MET: variants seen among roughly 807,000 people sequenced by gnomAD.
MET encodes MET proto-oncogene, receptor tyrosine kinase.
In MET, 48 loss-of-function variants were observed where a neutral mutation model predicts 133.1. That is an observed-to-expected ratio of 0.36 (90% CI 0.29 to 0.46). The LOEUF is 0.46. MET is among the 20% of genes least tolerant of loss of function. MET has a pLI of 1.00. For synonymous variants in MET, 628 were observed against 616.5 expected (o/e 1.02, Z -0.28); for missense variants, 1,442 against 1,695.9 (o/e 0.85, Z 2.63).
intron 5 of MET, among the ~76,000 whole-genome samples, chr7:116,750,038 A>G (rs1562916358): frequency 6.6e-6 from 1 of 152,222 alleles, no homozygotes; most frequent in African/African-American, 2.4e-5. Context: ...TGCTATCCCC[A>G]TAAAGCTACC....
At chr7:116,698,977 G>C in intron 1 of MET, 94 bp from the exon 2 acceptor site, 2 of 1,563,910 alleles carry the variant, frequency 1.3e-6, no homozygotes, top group Non-Finnish European at 1.7e-6. Flanking sequence ...CAGTTGGGAA[G>C]CTTTATTTCT....
chr7:116,729,347 C>A (rs534424133), intron 2 of MET, among the ~76,000 whole-genome samples: 145 of 152,146 alleles, frequency 9.5e-4, no homozygotes, highest in Middle Eastern at 3.4e-3. Context: ...ATGAAGAAAT[C>A]GTTGTTGATA....
At chr7:116,746,012 A>T (rs112620858) in intron 5 of MET, among the ~76,000 whole-genome samples, 2 of 152,190 alleles carry the variant, frequency 1.3e-5, no homozygotes, top group Non-Finnish European at 2.9e-5. Flanking sequence ...AATGGGAGAA[A>T]ATTTTTGCAA....
chr7:116,686,243 C>T (rs868681924), intron 1 of MET, among the ~76,000 whole-genome samples: 6 of 152,196 alleles, frequency 3.9e-5, no homozygotes, highest in African/African-American at 7.2e-5. Context: ...TCTCAGCTCC[C>T]GGTCAACAAA....
chr7:116,746,042 G>C (rs1054893049), intron 5 of MET, among the ~76,000 whole-genome samples: 1 of 152,144 alleles, frequency 6.6e-6, no homozygotes, highest in Middle Eastern at 3.2e-3. Context: ...CTGACAAAGG[G>C]CTAATATCCA....
At position 116,739,246 on chromosome 7, in the gene MET, C is replaced by A. The variant is rs181324784; in HGVS notation, c.1393-704C>A. ...TGGAAATTAGATAGCTGGGAAACATCCCAAATTTTAAAAACCTGAAAGCAA... is the reference window on the plus strand; with the variant it reads ...TGGAAATTAGATAGCTGGGAAACATACCAAATTTTAAAAACCTGAAAGCAA... On this transcript the variant is annotated intron_variant, in intron 3 of 20. Transcript: ENST00000397752. Among the ~76,000 whole-genome samples, 182 of 152,274 alleles carry A rather than the reference C, an allele frequency of 1.2e-3. 2 individuals carry two copies. Among genetic ancestry groups the A allele is most frequent in the Non-Finnish European group, 1.4e-3 (94 of 68,020 alleles).
At chr7:116,684,739 CA>C (rs1261685417) in intron 1 of MET, among the ~76,000 whole-genome samples, 1 of 152,028 alleles carries the variant, frequency 6.6e-6, no homozygotes, top group Non-Finnish European at 1.5e-5. Context: ...GGTGTGATGG[CA>C]AGAGGCAAGA....
intron 19 of MET, among the ~76,000 whole-genome samples, chr7:116,787,829 T>A (rs1349632232): frequency 6.6e-6 from 1 of 152,208 alleles, no homozygotes; most frequent in Non-Finnish European, 1.5e-5. Flanking sequence ...AGCTAGCTAA[T>A]GAGCACATGA....
At chr7:116,689,137 C>T (rs1351132332) in intron 1 of MET, among the ~76,000 whole-genome samples, 3 of 148,850 alleles carry the variant, frequency 2.0e-5, no homozygotes, top group African/African-American at 7.4e-5. Flanking sequence ...CTGCCACATA[C>T]AGTACAACTA....
At chr7:116,775,263 GCCCTGT>G in intron 15 of MET, 152 bp downstream of exon 15, 2 of 781,752 alleles carry the variant, frequency 2.6e-6, no homozygotes, top group Non-Finnish European at 4.3e-6. Context: ...TAGAAATGTA[GCCCTGT>G]AAATCATATC....
rs1584914402 is a variant in MET, at chr7:116,731,857, C to G, written c.1390C>G (p.Gln464Glu). Residue 464 changes from glutamine (Q) to glutamate (E), a missense_variant and splice_region_variant, in exon 3 of 21, where the codon CAG becomes GAG. Physicochemically the swap from Gln to Glu is conservative, Grantham distance 29. This residue lies in a region of MET where 762 missense variants were observed against 792.4 expected (regional missense o/e 0.96). Coordinates refer to ENST00000397752, the MANE Select transcript of MET (RefSeq NM_000245.4). ...NLGTSEGRFM[Q>E]VVVSRSGPST... The stretch of plus-strand genomic sequence containing the variant: ...TGGGACATCAGAGGGTCGCTTCATG[C>G]AGGTAAGTGCTTTCTGAGAGTAGCT... 1.2e-6 allele frequency: 2 copies of G among 1,613,902 alleles called. No individual in the cohort carries two copies. Among genetic ancestry groups the G allele is most frequent in the Non-Finnish European group, 1.7e-6 (2 of 1,179,816 alleles).
At chr7:116,764,345 C>CT (rs1027111564) in intron 11 of MET, among the ~76,000 whole-genome samples, 3 of 151,600 alleles carry the variant, frequency 2.0e-5, no homozygotes, top group Non-Finnish European at 4.4e-5. Flanking sequence ...TCATCTGCTT[C>CT]TTTAATTAGT....
chr7:116,761,098 A>T (rs1794384508), intron 10 of MET, among the ~76,000 whole-genome samples: 1 of 152,178 alleles, frequency 6.6e-6, no homozygotes, highest in African/African-American at 2.4e-5. Context: ...CCTCATTGGC[A>T]TTAAAGTGAC....
chr7:116,767,614 C>G (rs771092101), intron 11 of MET, among the ~76,000 whole-genome samples: 5 of 152,044 alleles, frequency 3.3e-5, no homozygotes, highest in Admixed American at 1.3e-4. Flanking sequence ...CTAAATTGCT[C>G]TATGTCTGTT....
intron 2 of MET, among the ~76,000 whole-genome samples, chr7:116,726,453 C>T (rs913640719): frequency 6.6e-6 from 1 of 151,624 alleles, no homozygotes; most frequent in Admixed American, 6.6e-5. Flanking sequence ...TTATAGTGTC[C>T]ACCTTATTCT....
chr7:116,741,959 T>C (rs934461758), intron 5 of MET, among the ~76,000 whole-genome samples: 1 of 152,254 alleles, frequency 6.6e-6, no homozygotes, highest in Non-Finnish European at 1.5e-5. Context: ...TTCGGCACTA[T>C]GAAAATCTCC....
At chr7:116,753,888 A>T (rs1268773094) in intron 5 of MET, among the ~76,000 whole-genome samples, 3 of 152,204 alleles carry the variant, frequency 2.0e-5, no homozygotes, top group Non-Finnish European at 2.9e-5. Context: ...TTCACTTTTC[A>T]TTTGTTAGTG....
chr7:116,680,666 G>A (rs906407678), intron 1 of MET, among the ~76,000 whole-genome samples: 3 of 152,150 alleles, frequency 2.0e-5, no homozygotes, highest in Non-Finnish European at 2.9e-5. Flanking sequence ...TATAGGCCAG[G>A]CACAGTGGCT....
At position 116,771,533 on chromosome 7, in the gene MET, A is replaced by G. The variant is rs1794832170; in HGVS notation, c.2766A>G (p.Lys922=). The G allele has an allele frequency of 4.3e-6, 7 of 1,613,910 alleles. No homozygotes were observed. The Middle Eastern group carries it at 8.3e-4, about 190-fold the overall frequency. The change falls in exon 13 of 21, where the codon AAA becomes AAG. Residue 922 remains lysine, a synonymous_variant. Coordinates refer to ENST00000397752, the MANE Select transcript of MET (RefSeq NM_000245.4). ...KQAISSTVLG[K]VIVQPDQNFT... is the part of the protein sequence containing the mutation. ...CAATTTCTTCAACCGTCCTTGGAAA[A>G]GTAATAGTTCAACCAGATCAGAATT...
Sources: allele counts gnomAD v4.1 joint callset (sites outside exome capture counted in the v4.1 genomes callset), GRCh38; gene constraint gnomAD v4.1.1; regional missense constraint gnomAD v4.1.1; transcripts MANE v1.5; gene names NCBI Gene and HGNC (gene_info 2026-07-23, HGNC 2026-07-21).